DCAF6: variants seen among roughly 807,000 people sequenced by gnomAD.
DCAF6 encodes DDB1 and CUL4 associated factor 6, also known as DDB1- and CUL4-associated factor 6.
A neutral mutation model predicts 125.1 loss-of-function variants in DCAF6; 54 were observed. The observed-to-expected ratio is 0.43, with a 90% CI of 0.35 to 0.54. DCAF6 has a LOEUF of 0.54. Among genes scored for constraint, DCAF6 ranks in the 20% least tolerant of loss-of-function variants. The pLI is 0.01. For synonymous variants in DCAF6, 371 were observed against 390.4 expected, an observed-to-expected ratio of 0.95 and a Z score of 0.58; for missense variants, 934 against 1,161.7, an observed-to-expected ratio of 0.80 and a Z score of 2.85.
At chr1:167,924,458 T>A in the DCAF6 span, 2 of 1,552,946 alleles carry the variant, frequency 1.3e-6, no homozygotes, top group African/African-American at 2.8e-5. Context: ...TATTAAGGAA[T>A]TTGTCTTTCA....
At chr1:167,875,886 GAGCT>G in the DCAF6 span, among the ~76,000 whole-genome samples, 1 of 152,126 alleles carries the variant, frequency 6.6e-6, no homozygotes, top group Admixed American at 6.5e-5. Context: ...CCGGGAGGGG[GAGCT>G]TGCAGTGAGC....
At chr1:168,009,439 T>C (rs1557971624) in intron 10 of DCAF6, among the ~76,000 whole-genome samples, 1 of 96,342 alleles carries the variant, frequency 1.0e-5, no homozygotes, top group Non-Finnish European at 1.9e-5. Context: ...TCTCTCTCTC[T>C]TTCTTTCTTT....
chr1:167,998,232 A>G (rs143391227), intron 7 of DCAF6, among the ~76,000 whole-genome samples: 4 of 152,332 alleles, frequency 2.6e-5, no homozygotes, highest in African/African-American at 7.2e-5. Flanking sequence ...TAAGTGTGCA[A>G]TAGCATTATA....
At chr1:167,955,872 C>G (rs1674699082) in intron 2 of DCAF6, among the ~76,000 whole-genome samples, 1 of 152,122 alleles carries the variant, frequency 6.6e-6, no homozygotes, top group South Asian at 2.1e-4. Context: ...GCTATCTTCC[C>G]ACCTCAGCCT....
rs374465104 is a variant in DCAF6 at position 167,993,472 on chromosome 1, G to A, written c.903+32G>A. On this transcript the variant is annotated intron_variant, in intron 7 of 21. Transcript: ENST00000367840. ...TTACTCAAAACCATGTCCTTTGGCC[G>A]GGCGCGGTGGCTCACGCCTGTAATC... is the stretch of plus-strand genomic sequence containing the variant. 23 of 1,585,224 alleles carry A rather than the reference G, an allele frequency of 1.5e-5. 1 individual carries two copies. Among genetic ancestry groups the A allele is most frequent in the African/African-American group, 4.0e-5 (3 of 74,208 alleles).
intron 6 of DCAF6, among the ~76,000 whole-genome samples, chr1:167,992,823 A>T (rs866826246): frequency 2.6e-5 from 4 of 152,236 alleles, no homozygotes; most frequent in Non-Finnish European, 4.4e-5. Context: ...CATCTTAAGG[A>T]TATTGCATAC....
intron 5 of DCAF6, among the ~76,000 whole-genome samples, chr1:167,989,601 G>A (rs1680537284): frequency 6.6e-6 from 1 of 152,092 alleles, no homozygotes; most frequent in Admixed American, 6.5e-5. Context: ...ATTACTGAGG[G>A]GCCGGGCGCG....
chr1:167,949,070 T>C (rs1304151305), intron 1 of DCAF6, among the ~76,000 whole-genome samples: 1 of 152,252 alleles, frequency 6.6e-6, no homozygotes, highest in African/African-American at 2.4e-5. Context: ...TGGCAGGCAC[T>C]GTATTAGGTA....
the DCAF6 span, among the ~76,000 whole-genome samples, chr1:167,897,517 G>GTA: frequency 5.2e-4 from 36 of 69,004 alleles, 4 homozygotes; most frequent in African/African-American, 1.0e-3. Context: ...ATATATATAT[G>GTA]TATATATATA....
rs116459507 is a variant in DCAF6 at position 167,994,689 on chromosome 1, G to T, written c.903+1249G>T. 5.0e-3 allele frequency among the ~76,000 whole-genome samples: 759 copies of T among 152,188 alleles called. 5 individuals carry two copies. Among genetic ancestry groups the T allele is most frequent in the African/African-American group, 0.017 (712 of 41,536 alleles). On this transcript the variant is annotated intron_variant, in intron 7 of 21. Transcript: ENST00000367840. ...TGACAGTACACAGCTGTAGAAAAAT[G>T]TTTGCTTTAACCTGTTTAAGCTTCT...
At chr1:168,068,097 A>T (rs1351876818) in intron 20 of DCAF6, among the ~76,000 whole-genome samples, 1 of 152,210 alleles carries the variant, frequency 6.6e-6, no homozygotes, top group Non-Finnish European at 1.5e-5. Flanking sequence ...AAATTCTTAA[A>T]TGTTTTAAGT....
chr1:167,923,397 C>T, the DCAF6 span, among the ~76,000 whole-genome samples: 6 of 152,046 alleles, frequency 3.9e-5, no homozygotes, highest in Non-Finnish European at 5.9e-5. Flanking sequence ...CATGTGACAA[C>T]GTTAATGTAC....
chr1:168,044,543 T>TCATGGATAC, intron 14 of DCAF6, 42 bp from the exon 15 acceptor site: 1 of 1,452,016 alleles, frequency 6.9e-7, no homozygotes, highest in Non-Finnish European at 9.7e-7. Flanking sequence ...AACTAATCCC[T>TCATGGATAC]CATGGATACC....
At chr1:167,942,241 T>G (rs1672363085) in intron 1 of DCAF6, among the ~76,000 whole-genome samples, 1 of 151,880 alleles carries the variant, frequency 6.6e-6, no homozygotes, top group Non-Finnish European at 1.5e-5. Context: ...ATGTTGTATT[T>G]TTAGTAGACA....
the DCAF6 span, among the ~76,000 whole-genome samples, chr1:167,867,777 T>G: frequency 6.7e-6 from 1 of 149,614 alleles, no homozygotes; most frequent in African/African-American, 2.5e-5. Flanking sequence ...TTCTTTAAAC[T>G]GAAAAAAAAA....
chr1:167,881,485 G>C, the DCAF6 span, among the ~76,000 whole-genome samples: 1,530 of 152,286 alleles, frequency 0.01, 24 homozygotes, highest in African/African-American at 0.034. Flanking sequence ...ACATGAAGGG[G>C]GAAACACTGC....
At chr1:167,955,612 T>C (rs1039401063) in intron 2 of DCAF6, among the ~76,000 whole-genome samples, 2 of 152,190 alleles carry the variant, frequency 1.3e-5, no homozygotes, top group African/African-American at 4.8e-5. Context: ...TAGGATATTC[T>C]ATGTAAATAA....
chr1:167,903,694 A>G, the DCAF6 span, among the ~76,000 whole-genome samples: 2 of 152,174 alleles, frequency 1.3e-5, no homozygotes, highest in Non-Finnish European at 2.9e-5. Flanking sequence ...AATAGTCTGT[A>G]TTAGTGAGGT....
chr1:168,015,632 G>C, intron 10 of DCAF6, 149 bp from the exon 11 acceptor site: 1 of 601,974 alleles, frequency 1.7e-6, no homozygotes, highest in Non-Finnish European at 2.5e-6. Context: ...TTAATGACCA[G>C]TAATTTTTTA....
Sources: gnomAD v4.1 joint callset for allele counts (sites outside exome capture counted in the v4.1 genomes callset) on GRCh38, gnomAD v4.1.1 for gene constraint, MANE v1.5 for transcripts, NCBI Gene and HGNC (gene_info 2026-07-23, HGNC 2026-07-21) for gene names.